PHF10: variants seen among roughly 807,000 people sequenced by gnomAD.
PHF10 encodes PHD finger protein 10.
Under a neutral mutation model 68.5 loss-of-function variants are expected in PHF10, and 51 were observed. That is an observed-to-expected ratio of 0.74 (90% CI 0.59 to 0.94). The LOEUF is 0.94. PHF10 is among the 40% of genes least tolerant of loss of function. PHF10 has a pLI of 0.00. For missense variants in PHF10, 460 were observed against 602.6 expected, an observed-to-expected ratio of 0.76 and a Z score of 2.48; for synonymous variants, 204 against 203.5, an observed-to-expected ratio of 1.00 and a Z score of -0.02.
intron 9 of PHF10, chr6:169,706,909 T>C (rs906943325): frequency 5.3e-5 from 8 of 152,166 alleles, no homozygotes; most frequent in African/African-American, 1.9e-4. Context: ...TCAAACGTTG[T>C]ATATATTCCA....
At chr6:169,706,492 C>A (rs1218421352) in intron 9 of PHF10, among the ~76,000 whole-genome samples, 1 of 151,992 alleles carries the variant, frequency 6.6e-6, no homozygotes, top group Non-Finnish European at 1.5e-5. Context: ...CATGCATGGT[C>A]CAGTGAAGGT....
rs1445716235 is a variant in PHF10 at position 169,724,299 on chromosome 6, G to A, written c.-368C>T. Among the ~76,000 whole-genome samples, 1 of 121,550 alleles carries A rather than the reference G, an allele frequency of 8.2e-6. No homozygotes were observed. The highest frequency in any genetic ancestry group is 3.1e-5 in the African/African-American group (1 of 32,040). 79.7% of individuals were successfully genotyped at this position (121,550 alleles called of 152,430 possible). The stretch of plus-strand genomic sequence containing the variant: ...CGTTGCCCCCCACAGCTCCGCCGCT[G>A]GCCTCAGCGCCGCCGCGACTCCCTT... On this transcript the variant is annotated 5_prime_UTR_variant, in exon 1 of 12. Coordinates refer to ENST00000339209, the MANE Select transcript of PHF10 (RefSeq NM_018288.4).
intron 1 of PHF10, among the ~76,000 whole-genome samples, chr6:169,723,457 A>G (rs1413700906): frequency 6.6e-6 from 1 of 152,196 alleles, no homozygotes; most frequent in African/African-American, 2.4e-5. Context: ...GCGTTCAAAC[A>G]CTTCGGCAAA....
intron 11 of PHF10, 30 bp downstream of exon 11, chr6:169,705,103 G>A (rs1562983478): frequency 6.5e-7 from 1 of 1,545,554 alleles, no homozygotes; most frequent in South Asian, 1.2e-5. Context: ...ATCACCCAAA[G>A]ATAATGTTTG....
intron 8 of PHF10, among the ~76,000 whole-genome samples, chr6:169,711,979 A>G (rs370946583): frequency 2.0e-5 from 3 of 152,240 alleles, no homozygotes; most frequent in South Asian, 2.1e-4. Flanking sequence ...ATTGTACAAC[A>G]TATTACTAAA....
chr6:169,718,909 G>C lies in PHF10; in HGVS notation c.204C>G (p.Tyr68Ter). The part of the protein sequence containing the change: ...ETSSQDLGFS[Y>*]YPAENLIEYK... Reference sequence around the variant, plus strand: ...ACTCTATCAAGTTTTCTGCTGGATAGTAACTAAAACTAAGTACAGAAATAC... The same window carrying C: ...ACTCTATCAAGTTTTCTGCTGGATACTAACTAAAACTAAGTACAGAAATAC... The change falls in exon 3 of 12, where the codon TAC (tyrosine) becomes TAG (stop). Residue 68 changes from tyrosine (Y) to a stop codon, truncating the protein, a stop_gained. Coordinates refer to ENST00000339209, the MANE Select transcript of PHF10 (RefSeq NM_018288.4). LOFTEE classifies it high-confidence loss of function. The C allele has an allele frequency of 3.2e-6, 5 of 1,580,922 alleles. No homozygotes were observed. The highest frequency in any genetic ancestry group is 3.5e-6 in the Non-Finnish European group (4 of 1,151,318).
At chr6:169,723,817 G>C in intron 1 of PHF10, 28 bp downstream of exon 1, 1 of 840,514 alleles carries the variant, frequency 1.2e-6, no homozygotes, top group Non-Finnish European at 1.5e-6. Flanking sequence ...ACGGGGTCAG[G>C]GTCGGGTCGC....
chr6:169,706,314 GATT>G (rs1381699535), intron 9 of PHF10, among the ~76,000 whole-genome samples: 1 of 146,170 alleles, frequency 6.8e-6, no homozygotes, highest in Non-Finnish European at 1.5e-5. Flanking sequence ...TTAGTTGTGT[GATT>G]ATTCTCTTTG....
chr6:169,707,291 A>G (rs929018526), intron 9 of PHF10: 1 of 152,186 alleles, frequency 6.6e-6, no homozygotes, highest in Non-Finnish European at 1.5e-5. Context: ...TTACTGCTAC[A>G]TTCTAAACAT....
At chr6:169,707,499 A>G (rs567627392) in intron 9 of PHF10, 1 of 152,354 alleles carries the variant, frequency 6.6e-6, no homozygotes, top group South Asian at 2.1e-4. Flanking sequence ...TACTTATTTA[A>G]TACTAATAGT....
At chr6:169,716,515 C>G (rs1379015747) in intron 4 of PHF10, among the ~76,000 whole-genome samples, 1 of 151,636 alleles carries the variant, frequency 6.6e-6, no homozygotes, top group African/African-American at 2.4e-5. Flanking sequence ...AAAATTTCAC[C>G]AAAAACATCA....
intron 11 of PHF10, chr6:169,704,292 G>C (rs547106990): frequency 1.6e-4 from 81 of 510,622 alleles, no homozygotes; most frequent in Middle Eastern, 5.0e-4. Flanking sequence ...TTCATTGCAA[G>C]TCAAGGGGGA....
chr6:169,717,514 T>G (rs142197738), intron 4 of PHF10, among the ~76,000 whole-genome samples: 4 of 152,198 alleles, frequency 2.6e-5, no homozygotes, highest in African/African-American at 9.7e-5. Context: ...ATGTGACTTG[T>G]TACATATTAT....
rs866349514 is a variant in PHF10 at position 169,715,955 on chromosome 6, G to A, written c.543C>T (p.Ser181=). 3.1e-5 allele frequency: 50 copies of A among 1,601,992 alleles called. No homozygotes were observed. Among genetic ancestry groups the A allele is most frequent in the African/African-American group, 5.4e-5 (4 of 74,114 alleles). The change falls in exon 5 of 12, where the codon TCC becomes TCT. Residue 181 remains serine (S), a splice_region_variant and synonymous_variant. Transcript: ENST00000339209. ...AATGCCAGTCACCTCAATTACTTAC[G>A]GAATACTCTTTATAATGGTCTGTAA... ...QRITDHYKEY[S]QMQQQNTQKV...
chr6:169,720,356 G>A (rs1789147457), intron 2 of PHF10, among the ~76,000 whole-genome samples: 1 of 152,072 alleles, frequency 6.6e-6, no homozygotes, highest in Non-Finnish European at 1.5e-5. Flanking sequence ...GAACACCAAT[G>A]CTCACTGCAG....
intron 2 of PHF10, among the ~76,000 whole-genome samples, chr6:169,720,644 A>C (rs1295714431): frequency 6.6e-6 from 1 of 152,186 alleles, no homozygotes; most frequent in Non-Finnish European, 1.5e-5. Context: ...GCAAGGCGCT[A>C]AATAGAGGGA....
chr6:169,720,369 T>A (rs1298454373), intron 2 of PHF10, among the ~76,000 whole-genome samples: 1 of 152,182 alleles, frequency 6.6e-6, no homozygotes, highest in African/African-American at 2.4e-5. Flanking sequence ...CACTGCAGCA[T>A]TATTCACCTT....
At position 169,712,548 on chromosome 6, in the gene PHF10, CAG is replaced by C. The variant is rs1187554179; in HGVS notation, c.804-11_804-10del. 1 of 1,597,200 alleles carries C rather than the reference CAG, an allele frequency of 6.3e-7. No individual in the cohort carries two copies. The highest frequency in any genetic ancestry group is 2.2e-5 in the East Asian group (1 of 44,766). On this transcript the variant is annotated splice_polypyrimidine_tract_variant and intron_variant, in intron 7 of 11. Coordinates refer to ENST00000339209, the MANE Select transcript of PHF10 (RefSeq NM_018288.4). ...GCTCATCTGGTGAGTACCTGAAGTT[CAG>C]AGAGTTTATTTTTGGTTTCCCTTTA...
Position 169,723,901 on chromosome 6 carries a change from G to C in PHF10, c.31C>G (p.Leu11Val). The C allele has an allele frequency of 2.8e-6, 3 of 1,072,536 alleles. No individual in the cohort carries two copies. Among genetic ancestry groups the C allele is most frequent in the Non-Finnish European group, 3.4e-6 (3 of 883,512 alleles). The allele number at this position is 1,072,536 out of a possible 1,614,324, so 66.4% of individuals were successfully genotyped here. A position where few individuals can be genotyped will look rare whatever the true frequency, so the allele number is the denominator to read the frequency against. ...TCGCTGTCGCACGGCCGCGGGGACAGCGCAGCCCCGGGCCCGGCCGCCGCC... is the reference window on the plus strand; with the variant it reads ...TCGCTGTCGCACGGCCGCGGGGACACCGCAGCCCCGGGCCCGGCCGCCGCC... MAAAAGPGAA[L>V]SPRPCDSDPA... The change falls in exon 1 of 12, where the codon CTG becomes GTG. Residue 11 changes from leucine to valine, a missense_variant. Physicochemically the swap from Leu to Val is conservative, Grantham distance 32. Coordinates refer to ENST00000339209, the MANE Select transcript of PHF10 (RefSeq NM_018288.4).
Sources: gnomAD v4.1 joint callset for allele counts (sites outside exome capture counted in the v4.1 genomes callset) on GRCh38, gnomAD v4.1.1 for gene constraint, MANE v1.5 for transcripts, NCBI Gene and HGNC (gene_info 2026-07-23, HGNC 2026-07-21) for gene names.